The following PDZD2 variants were observed in gnomAD, a reference collection of about 807,000 sequenced individuals.
PDZD2 encodes PDZ domain containing 2.
In PDZD2, 90 loss-of-function variants were observed where a neutral mutation model predicts 220.7. That is an observed-to-expected ratio of 0.41 (90% CI 0.34 to 0.49). The LOEUF (loss-of-function observed/expected upper bound fraction) is 0.49. PDZD2 is among the 20% of genes least tolerant of loss of function. PDZD2 has a pLI of 0.28. For missense variants in PDZD2, 3,174 were observed against 3,608.5 expected, an observed-to-expected ratio of 0.88 and a Z score of 3.08; for synonymous variants, 1,375 against 1,450.5, an observed-to-expected ratio of 0.95 and a Z score of 1.18.
chr5:31,655,554 G>A (rs1176147659), intron 1 of PDZD2, among the ~76,000 whole-genome samples: 7 of 27,522 alleles, frequency 2.5e-4, no homozygotes, highest in Admixed American at 5.4e-4. Flanking sequence ...AATCTATGAG[G>A]GTATTTTTTT....
chr5:31,996,439 A>G (rs1218568448), intron 4 of PDZD2, among the ~76,000 whole-genome samples: 1 of 152,000 alleles, frequency 6.6e-6, no homozygotes, highest in South Asian at 2.1e-4. Flanking sequence ...AAAAAATAGC[A>G]GCTGGGTGCG....
At chr5:31,643,147 T>A (rs1050351071) in intron 1 of PDZD2, among the ~76,000 whole-genome samples, 1 of 152,192 alleles carries the variant, frequency 6.6e-6, no homozygotes, top group Admixed American at 6.5e-5. Flanking sequence ...ATCTGCTGTA[T>A]AGGGGGTCCT....
chr5:31,775,189 A>C (rs1169052345), intron 1 of PDZD2, among the ~76,000 whole-genome samples: 1 of 152,156 alleles, frequency 6.6e-6, no homozygotes, highest in Non-Finnish European at 1.5e-5. Context: ...ATTTGAGTCA[A>C]AATTGTTTTC....
At chr5:32,010,775 C>T in intron 6 of PDZD2, 1 of 416,412 alleles carries the variant, frequency 2.4e-6, no homozygotes, top group South Asian at 1.8e-5. Flanking sequence ...GCAGGTGGAT[C>T]ACCTGAGGTC....
chr5:31,904,770 A>C (rs938144579), intron 2 of PDZD2, among the ~76,000 whole-genome samples: 12 of 151,954 alleles, frequency 7.9e-5, no homozygotes, highest in African/African-American at 2.9e-4. Flanking sequence ...AAAAATTAGT[A>C]GTGATGGTGA....
At chr5:31,847,648 G>C in intron 2 of PDZD2, 1 of 617,066 alleles carries the variant, frequency 1.6e-6, no homozygotes, top group South Asian at 1.4e-5. Context: ...GACTGGAGAT[G>C]AATACAATGT....
intron 1 of PDZD2, chr5:31,741,761 C>G (rs192127029): frequency 6.6e-6 from 1 of 152,204 alleles, no homozygotes; most frequent in Non-Finnish European, 1.5e-5. Flanking sequence ...GCTCCCCAAC[C>G]CCCCCGTGCA....
intron 1 of PDZD2, among the ~76,000 whole-genome samples, chr5:31,679,460 T>C (rs867291253): frequency 1.4e-5 from 2 of 138,314 alleles, no homozygotes; most frequent in Non-Finnish European, 3.1e-5. Flanking sequence ...ATGCTTCTTG[T>C]TGTACTGTGT....
In PDZD2 at chr5:31,799,585, G is replaced by C; in HGVS notation, c.337G>C (p.Val113Leu). 3 of 1,614,202 alleles carry C rather than the reference G, an allele frequency of 1.9e-6. No individual in the cohort carries two copies. The highest frequency in any genetic ancestry group is 2.5e-6 in the Non-Finnish European group (3 of 1,180,028). Reference sequence around the variant, plus strand: ...GAAGAGGAAAACCCACCAGGGTCCTGTGCTGGATGTGGGCTGCATCTGGGT... The same window carrying C: ...GAAGAGGAAAACCCACCAGGGTCCTCTGCTGGATGTGGGCTGCATCTGGGT... ...GKKRKTHQGPVLDVGCIWVTE... is the reference protein window; with the variant it reads ...GKKRKTHQGPLLDVGCIWVTE... Residue 113 changes from valine (V) to leucine (L), a missense_variant, in exon 2 of 25, where the codon GTG becomes CTG. By Grantham distance (32) the Val-to-Leu change is conservative (BLOSUM62 1). Coordinates refer to ENST00000438447, the MANE Select transcript of PDZD2 (RefSeq NM_178140.4).
chr5:31,922,397 T>C (rs535364127), intron 2 of PDZD2, among the ~76,000 whole-genome samples: 2 of 152,346 alleles, frequency 1.3e-5, no homozygotes, highest in African/African-American at 2.4e-5. Context: ...GAAAGACTTA[T>C]ATGTATATTT....
chr5:31,821,097 A>T (rs988825521), intron 2 of PDZD2, among the ~76,000 whole-genome samples: 1 of 151,954 alleles, frequency 6.6e-6, no homozygotes, highest in African/African-American at 2.4e-5. Flanking sequence ...TTATTACTAT[A>T]TGGAAGTTTT....
chr5:32,024,547 G>A (rs1293994000), intron 6 of PDZD2, among the ~76,000 whole-genome samples: 1 of 152,080 alleles, frequency 6.6e-6, no homozygotes, highest in African/African-American at 2.4e-5. Flanking sequence ...GCTGGGTGTG[G>A]TGGTGCACTC....
intron 15 of PDZD2, among the ~76,000 whole-genome samples, chr5:32,070,645 T>C (rs913418428): frequency 6.6e-6 from 1 of 152,254 alleles, no homozygotes; most frequent in African/African-American, 2.4e-5. Context: ...TGTTCATTCA[T>C]AATTCAATCC....
intron 2 of PDZD2, among the ~76,000 whole-genome samples, chr5:31,870,289 CT>C (rs1388601319): frequency 1.3e-5 from 2 of 152,192 alleles, no homozygotes; most frequent in African/African-American, 4.8e-5. Flanking sequence ...ACCCCGGCCC[CT>C]GCAAAAAGTT....
chr5:31,912,967 G>C (rs892381741), intron 2 of PDZD2, among the ~76,000 whole-genome samples: 1 of 152,106 alleles, frequency 6.6e-6, no homozygotes, highest in Non-Finnish European at 1.5e-5. Context: ...GAAAAACATT[G>C]CATCCTTCTT....
At chr5:32,052,980 A>G (rs1457194328) in intron 9 of PDZD2, among the ~76,000 whole-genome samples, 4 of 152,148 alleles carry the variant, frequency 2.6e-5, no homozygotes, top group Admixed American at 6.5e-5. Flanking sequence ...CCAGCCACAC[A>G]TGTTCTTTAA....
intron 14 of PDZD2, among the ~76,000 whole-genome samples, chr5:32,064,205 G>C (rs141960391): frequency 6.6e-6 from 1 of 151,362 alleles, no homozygotes; most frequent in Non-Finnish European, 1.5e-5. Context: ...GTTTTTGGAC[G>C]CACAGAGGAA....
chr5:32,046,653 T>C (rs1738001166), intron 7 of PDZD2, among the ~76,000 whole-genome samples: 1 of 152,182 alleles, frequency 6.6e-6, no homozygotes, highest in Non-Finnish European at 1.5e-5. Flanking sequence ...TTTCAAAATA[T>C]ACATTAAGAC....
intron 19 of PDZD2, among the ~76,000 whole-genome samples, chr5:32,081,208 GTGAC>G (rs1482096495): frequency 1.3e-5 from 2 of 152,118 alleles, no homozygotes; most frequent in African/African-American, 4.8e-5. Context: ...GTGCACCTCT[GTGAC>G]TGTACTGACC....
Sources: allele counts gnomAD v4.1 joint callset (sites outside exome capture counted in the v4.1 genomes callset), GRCh38; gene constraint gnomAD v4.1.1; transcripts MANE v1.5; gene names NCBI Gene and HGNC (gene_info 2026-07-23, HGNC 2026-07-21).